The following MOB1A variants were observed in gnomAD, a reference collection of about 807,000 sequenced individuals.
MOB1A encodes MOB kinase activator 1A.
Under a neutral mutation model 25.1 loss-of-function variants are expected in MOB1A, and 10 were observed. The ratio of observed to expected loss-of-function variants is 0.40; its 90% CI spans 0.25 to 0.68. The LOEUF is 0.68. MOB1A is among the 30% of genes least tolerant of loss of function. MOB1A has a pLI of 0.40. For synonymous variants in MOB1A, 81 were observed against 79.5 expected (o/e 1.02, Z -0.10); for missense variants, 177 against 256.3 (o/e 0.69, Z 2.11).
chr2:74,161,878 G>T (rs778929310), intron 4 of MOB1A, among the ~76,000 whole-genome samples: 2 of 151,468 alleles, frequency 1.3e-5, no homozygotes, highest in Non-Finnish European at 2.9e-5. Context: ...GACCACTTGC[G>T]CCTGGGAGGT....
At chr2:74,157,909 T>C (rs1380479847) in intron 5 of MOB1A, among the ~76,000 whole-genome samples, 3 of 152,066 alleles carry the variant, frequency 2.0e-5, no homozygotes, top group Admixed American at 2.0e-4. Context: ...AGGCCGGGCA[T>C]GGTGGCTCAT....
chr2:74,168,095 T>A (rs11902687), intron 2 of MOB1A, among the ~76,000 whole-genome samples: 3 of 152,090 alleles, frequency 2.0e-5, no homozygotes, highest in African/African-American at 7.2e-5. Context: ...GCTGTGATGG[T>A]GCTACTGCAC....
At chr2:74,177,064 A>G (rs1693494938) in intron 1 of MOB1A, among the ~76,000 whole-genome samples, 1 of 152,132 alleles carries the variant, frequency 6.6e-6, no homozygotes, top group South Asian at 2.1e-4. Flanking sequence ...TTAAAAAAAG[A>G]AAGTCTCGGC....
chr2:74,171,632 G>A lies in MOB1A; in HGVS notation c.181+954C>T, dbSNP rs193003207. ...ATTAAGAAGTTTTAGGCTGGGCGTG[G>A]TGGCTCATGCCTGTAATCCTAGCAC... On this transcript the variant is annotated intron_variant, in intron 2 of 5. Coordinates refer to ENST00000396049, the MANE Select transcript of MOB1A (RefSeq NM_018221.5). 3.9e-5 allele frequency among the ~76,000 whole-genome samples: 6 copies of A among 152,294 alleles called. No homozygotes were observed. In the East Asian group the frequency reaches 9.7e-4, roughly 25 times the overall value.
intron 2 of MOB1A, among the ~76,000 whole-genome samples, chr2:74,169,272 C>T (rs1412071703): frequency 6.6e-6 from 1 of 152,160 alleles, no homozygotes; most frequent in East Asian, 1.9e-4. Flanking sequence ...GAGGATGAGG[C>T]AGGCGGATCA....
rs185153578 is a variant in MOB1A, at chr2:74,167,034, T to C, written c.255A>G (p.Pro85=). 5.5e-4 allele frequency: 888 copies of C among 1,613,892 alleles called. 9 individuals are homozygous for C. The African/African-American group carries it at 0.011, about 20-fold the overall frequency. The stretch of plus-strand genomic sequence containing the variant: ...TGTACCTCGGACCTGCAGACATGAC[T>C]GGACAGCTTGCTTCAGTGCAGAATT... ...ITEFCTEASC[P]VMSAGPRYEY... is the part of the protein sequence containing the mutation. The change falls in exon 3 of 6, where the codon CCA becomes CCG. Residue 85 remains proline, a synonymous_variant. Transcript: ENST00000396049.
chr2:74,169,827 C>A (rs1201068719), intron 2 of MOB1A, among the ~76,000 whole-genome samples: 1 of 151,968 alleles, frequency 6.6e-6, no homozygotes, highest in Non-Finnish European at 1.5e-5. Context: ...TGGTGTTTCA[C>A]CATGTTGCCT....
At position 74,156,663 on chromosome 2, in the gene MOB1A, A is replaced by T. The variant is rs958595635; in HGVS notation, c.574-18T>A. 8.5e-6 allele frequency: 13 copies of T among 1,524,148 alleles called. No homozygotes were observed. Among genetic ancestry groups the T allele is most frequent in the Non-Finnish European group, 1.2e-5 (13 of 1,125,028 alleles). 94.4% of individuals were successfully genotyped at this position (1,524,148 alleles called of 1,614,324 possible). A position where few individuals can be genotyped will look rare whatever the true frequency, so the allele number is the denominator to read the frequency against. On this transcript the variant is annotated intron_variant, in intron 5 of 5. Transcript: ENST00000396049. ...TTAAACTCCTAAAAAGAGAAGAAAAATAACAATTAAAAATGGATCTAAAAC... is the reference window on the plus strand; with the variant it reads ...TTAAACTCCTAAAAAGAGAAGAAAATTAACAATTAAAAATGGATCTAAAAC...
At position 74,154,182 on chromosome 2, in the gene MOB1A, G is replaced by C. The variant is rs1572950245; in HGVS notation, c.*2386C>G. ...TACTCCAGCCTGGGTGACAGAGTGA[G>C]ACTCTGTCTCAAAAAAAAAAAAAAA... On this transcript the variant is annotated 3_prime_UTR_variant, in exon 6 of 6. Transcript: ENST00000396049. 1.5e-5 allele frequency: 2 copies of C among 134,806 alleles called. No individual in the cohort carries two copies. The highest frequency in any genetic ancestry group is 4.5e-4 in the East Asian group (2 of 4,456). 8.4% of individuals were successfully genotyped at this position (134,806 alleles called of 1,614,324 possible).
rs371044258 is a variant in MOB1A at position 74,165,425 on chromosome 2, T to C, written c.276-74A>G. On this transcript the variant is annotated intron_variant, in intron 3 of 5. Coordinates refer to ENST00000396049, the MANE Select transcript of MOB1A (RefSeq NM_018221.5). ...ATGTGCAAGTTGTGATTAAAACAGG[T>C]TCATTCACATTTTGTCAATAGAAGT... 13 of 895,362 alleles carry C rather than the reference T, an allele frequency of 1.5e-5. No homozygotes were observed. The African/African-American group carries it at 2.1e-4, about 14-fold the overall frequency. The allele number at this position is 895,362 out of a possible 1,614,324, so 55.5% of individuals were successfully genotyped here.
At chr2:74,157,762 G>A (rs964474170) in intron 5 of MOB1A, among the ~76,000 whole-genome samples, 2 of 152,104 alleles carry the variant, frequency 1.3e-5, no homozygotes, top group African/African-American at 4.8e-5. Flanking sequence ...GATAAAGGGA[G>A]TTTGTTTTTT....
intron 2 of MOB1A, among the ~76,000 whole-genome samples, chr2:74,172,126 T>C (rs150758156): frequency 6.6e-6 from 1 of 152,248 alleles, no homozygotes; most frequent in East Asian, 1.9e-4. Context: ...GATCCCTCCA[T>C]TTTCTCCCAA....
intron 2 of MOB1A, 50 bp from the exon 3 acceptor site, chr2:74,167,157 T>C: frequency 7.0e-7 from 1 of 1,422,416 alleles, no homozygotes; most frequent in Non-Finnish European, 9.9e-7. Context: ...ACACAAAATA[T>C]GAGACCTCCA....
rs1230953530 is a variant in MOB1A, at chr2:74,154,345, A to T, written c.*2223T>A. 2 of 152,016 alleles carry T rather than the reference A, an allele frequency of 1.3e-5. No individual in the cohort carries two copies. The highest frequency in any genetic ancestry group is 2.9e-5 in the Non-Finnish European group (2 of 68,006). The allele number at this position is 152,016 out of a possible 1,614,324, so 9.4% of individuals were successfully genotyped here. Reference sequence around the variant, plus strand: ...TCCCTAGCCTTGGAGGTAAACACTAATATTTCAGTGCACTGTTGGTTAAGC... The same window carrying T: ...TCCCTAGCCTTGGAGGTAAACACTATTATTTCAGTGCACTGTTGGTTAAGC... On this transcript the variant is annotated 3_prime_UTR_variant, in exon 6 of 6. Coordinates refer to ENST00000396049, the MANE Select transcript of MOB1A (RefSeq NM_018221.5).
At chr2:74,174,859 C>T (rs1328482984) in intron 1 of MOB1A, among the ~76,000 whole-genome samples, 1 of 152,154 alleles carries the variant, frequency 6.6e-6, no homozygotes, top group Non-Finnish European at 1.5e-5. Context: ...ATAGGCAATT[C>T]AGAAGTATGA....
chr2:74,165,312 C>T lies in MOB1A; in HGVS notation c.315G>A (p.Lys105=), dbSNP rs1693099972. Reference sequence around the variant, plus strand: ...ATTTTGGTGCAGAACATTTGATTGGCTTTTTAATATTAGTACCATCTGCCC... The same window carrying T: ...ATTTTGGTGCAGAACATTTGATTGGTTTTTTAATATTAGTACCATCTGCCC... ...YHWADGTNIK[K]PIKCSAPKYI... The change falls in exon 4 of 6, where the codon AAG becomes AAA. Residue 105 remains lysine, a synonymous_variant. Transcript: ENST00000396049. 2 of 1,582,050 alleles carry T rather than the reference C, an allele frequency of 1.3e-6. No individual in the cohort carries two copies. Among genetic ancestry groups the T allele is most frequent in the African/African-American group, 2.7e-5 (2 of 74,264 alleles).
chr2:74,155,718 T>C lies in MOB1A; in HGVS notation c.*850A>G, dbSNP rs534752472. 2.6e-5 allele frequency: 4 copies of C among 152,668 alleles called. No homozygotes were observed. Among genetic ancestry groups the C allele is most frequent in the South Asian group, 4.1e-4 (2 of 4,828 alleles). The allele number at this position is 152,668 out of a possible 1,614,324, so 9.5% of individuals were successfully genotyped here. ...CTGAAAAATAATGAAATAATAAAAA[T>C]AGTGGTTTTGAGATCTAAATTTATT... On this transcript the variant is annotated 3_prime_UTR_variant, in exon 6 of 6. Coordinates refer to ENST00000396049, the MANE Select transcript of MOB1A (RefSeq NM_018221.5).
chr2:74,177,605 T>C (rs1236801318), intron 1 of MOB1A, among the ~76,000 whole-genome samples: 6 of 152,206 alleles, frequency 3.9e-5, no homozygotes, highest in Admixed American at 3.9e-4. Context: ...TATTTTATAA[T>C]AGTAAATACT....
chr2:74,176,584 G>A (rs548199884), intron 1 of MOB1A, among the ~76,000 whole-genome samples: 286 of 151,934 alleles, frequency 1.9e-3, no homozygotes, highest in Middle Eastern at 6.8e-3. Flanking sequence ...CTAACACGGT[G>A]AAACCCCGTC....
Sources: gnomAD v4.1 joint callset for allele counts (sites outside exome capture counted in the v4.1 genomes callset) on GRCh38, gnomAD v4.1.1 for gene constraint, MANE v1.5 for transcripts, NCBI Gene and HGNC (gene_info 2026-07-23, HGNC 2026-07-21) for gene names.